Variants in DDHD1 observed in about 807,000 individuals in gnomAD.
DDHD1 encodes phospholipase DDHD1.
In DDHD1, 49 loss-of-function variants were observed where a neutral mutation model predicts 96.4. That is an observed-to-expected ratio of 0.51 (90% confidence interval 0.40 to 0.64). DDHD1 has a LOEUF of 0.64. Among genes scored for constraint, DDHD1 ranks in the 30% least tolerant of loss-of-function variants. DDHD1 has a pLI of 0.00. For missense variants in DDHD1, 1,106 were observed against 1,161.2 expected (o/e 0.95, Z 0.69); for synonymous variants, 442 against 446.5 (o/e 0.99, Z 0.13).
chr14:53,095,831 G>C (rs938459683), intron 2 of DDHD1, among the ~76,000 whole-genome samples: 1 of 152,106 alleles, frequency 6.6e-6, no homozygotes, highest in Non-Finnish European at 1.5e-5. Flanking sequence ...TAAACTATGA[G>C]ATCAAGATAT....
intron 1 of DDHD1, among the ~76,000 whole-genome samples, chr14:53,130,574 A>G (rs1889794947): frequency 6.6e-6 from 1 of 152,192 alleles, no homozygotes; most frequent in Non-Finnish European, 1.5e-5. Flanking sequence ...CTGTGAGACA[A>G]ACCCCAGCCA....
chr14:53,052,041 T>A (rs1368786573), intron 11 of DDHD1, 114 bp from the exon 12 acceptor site: 9 of 726,310 alleles, frequency 1.2e-5, no homozygotes, highest in Admixed American at 2.4e-5. Flanking sequence ...TGACTAAATC[T>A]AGCATACATA....
chr14:53,114,994 C>G (rs1888434483), intron 1 of DDHD1, among the ~76,000 whole-genome samples: 1 of 152,142 alleles, frequency 6.6e-6, no homozygotes, highest in Admixed American at 6.5e-5. Flanking sequence ...GTTACAGGAA[C>G]TGCTAACTAG....
At chr14:53,147,165 G>A (rs1363932372) in intron 1 of DDHD1, among the ~76,000 whole-genome samples, 5 of 152,090 alleles carry the variant, frequency 3.3e-5, no homozygotes, top group African/African-American at 1.2e-4. Flanking sequence ...ATTCTCAGAG[G>A]ATTCCTTGAC....
In DDHD1 at chr14:53,044,076, CA is replaced by C. The variant is rs1161559147; in HGVS notation, c.*2691del. 6.6e-6 allele frequency: 1 copy of C among 152,088 alleles called. No homozygotes were observed. Among genetic ancestry groups the C allele is most frequent in the Non-Finnish European group, 1.5e-5 (1 of 68,002 alleles). 9.4% of individuals were successfully genotyped at this position (152,088 alleles called of 1,614,324 possible). A position where few individuals can be genotyped will look rare whatever the true frequency, so the allele number is the denominator to read the frequency against. ...CTCAGTAACTGACTTAGCTTCTAAT[CA>C]AGCCAGAATGACACACAGTCTGTAT... On this transcript the variant is annotated 3_prime_UTR_variant, in exon 13 of 13. Transcript: ENST00000673822.
intron 1 of DDHD1, among the ~76,000 whole-genome samples, chr14:53,107,276 C>A (rs1213613899): frequency 6.6e-6 from 1 of 152,170 alleles, no homozygotes; most frequent in South Asian, 2.1e-4. Flanking sequence ...ACCACTCTTG[C>A]GCTTTGGAGC....
At position 53,152,536 on chromosome 14, in the gene DDHD1, A is replaced by G. The variant is rs1180551478; in HGVS notation, c.563T>C (p.Leu188Pro). Residue 188 changes from leucine (L) to proline (P), a missense_variant, in exon 1 of 13, where the codon CTC becomes CCC. Leu to Pro is a moderately conservative substitution (Grantham distance 98). Transcript: ENST00000673822. ...TWKPFIGYDS[L>P]RIELAFRTLL... ...GGTCCGGAAGGCGAGCTCGATGCGG[A>G]GCGAGTCGTAGCCGATGAAGGGCTT... 3 of 1,613,320 alleles carry G rather than the reference A, an allele frequency of 1.9e-6. No homozygotes were observed. The highest frequency in any genetic ancestry group is 1.7e-5 in the Admixed American group (1 of 59,996).
chr14:53,140,804 G>A (rs763704651), intron 1 of DDHD1, among the ~76,000 whole-genome samples: 1 of 152,100 alleles, frequency 6.6e-6, no homozygotes. Flanking sequence ...TTGTCAGAAT[G>A]AATTTTAAAA....
chr14:53,142,209 A>G (rs1566605191), intron 1 of DDHD1, among the ~76,000 whole-genome samples: 1 of 152,350 alleles, frequency 6.6e-6, no homozygotes, highest in Non-Finnish European at 1.5e-5. Flanking sequence ...GACAACAAAG[A>G]TCTGTGTATC....
intron 1 of DDHD1, among the ~76,000 whole-genome samples, chr14:53,105,013 T>C (rs1014394604): frequency 6.6e-6 from 1 of 152,062 alleles, no homozygotes; most frequent in African/African-American, 2.4e-5. Context: ...TTTGAAACTG[T>C]AGGTTAAGAT....
At chr14:53,107,556 C>T (rs1371776474) in intron 1 of DDHD1, among the ~76,000 whole-genome samples, 4 of 152,048 alleles carry the variant, frequency 2.6e-5, no homozygotes, top group Admixed American at 6.5e-5. Context: ...TTTGGGAGGC[C>T]GAGGCAGGAG....
Position 53,037,663 on chromosome 14 carries a change from T to C in DDHD1, c.*9105A>G, listed in dbSNP as rs966247429. On this transcript the variant is annotated 3_prime_UTR_variant, in exon 13 of 13. Transcript: ENST00000673822. ...TTGTTGGATGTCTAGTTTGCAAATA[T>C]TTTCTCCAATTCTGTATGTTGTCTG... 1.3e-5 allele frequency: 2 copies of C among 152,174 alleles called. No homozygotes were observed. The highest frequency in any genetic ancestry group is 2.9e-5 in the Non-Finnish European group (2 of 68,032). 9.4% of individuals were successfully genotyped at this position (152,174 alleles called of 1,614,324 possible).
At chr14:53,072,772 G>A in intron 5 of DDHD1, 69 bp from the exon 6 acceptor site, 1 of 977,064 alleles carries the variant, frequency 1.0e-6, no homozygotes, top group Non-Finnish European at 1.5e-6. Flanking sequence ...TAATAGTGAA[G>A]AAAATTACGT....
At chr14:53,152,194 C>A (rs1034660953) in intron 1 of DDHD1, 67 bp downstream of exon 1, 18 of 1,471,130 alleles carry the variant, frequency 1.2e-5, no homozygotes, top group Non-Finnish European at 1.5e-5. Flanking sequence ...AGTCCCAAAC[C>A]CACACCGGTG....
chr14:53,099,352 T>C (rs1183750894), intron 2 of DDHD1, among the ~76,000 whole-genome samples: 1 of 152,178 alleles, frequency 6.6e-6, no homozygotes, highest in Non-Finnish European at 1.5e-5. Flanking sequence ...CTAGTATCTT[T>C]TTCTGTTCTA....
intron 1 of DDHD1, among the ~76,000 whole-genome samples, chr14:53,141,389 C>A (rs1236879537): frequency 6.6e-6 from 1 of 152,140 alleles, no homozygotes; most frequent in Admixed American, 6.5e-5. Flanking sequence ...TATGAACTAA[C>A]AGAATTACCA....
At chr14:53,126,300 A>G (rs1014442943) in intron 1 of DDHD1, among the ~76,000 whole-genome samples, 27 of 152,176 alleles carry the variant, frequency 1.8e-4, no homozygotes, top group Non-Finnish European at 8.8e-5. Context: ...AAAGGGTGAA[A>G]TAGAAGTGAA....
At chr14:53,078,758 G>C (rs1885183095) in intron 4 of DDHD1, among the ~76,000 whole-genome samples, 1 of 152,168 alleles carries the variant, frequency 6.6e-6, no homozygotes, top group African/African-American at 2.4e-5. Flanking sequence ...GAAGTGGTGA[G>C]AGTGGATATC....
At chr14:53,092,077 G>GTA in intron 3 of DDHD1, 145 bp from the exon 4 acceptor site, 1 of 680,676 alleles carries the variant, frequency 1.5e-6, no homozygotes, top group Non-Finnish European at 2.4e-6. Context: ...CTGTAAGAAG[G>GTA]TATATATTGA....
Sources: allele counts gnomAD v4.1 joint callset (sites outside exome capture counted in the v4.1 genomes callset), GRCh38; gene constraint gnomAD v4.1.1; transcripts MANE v1.5; gene names NCBI Gene and HGNC (gene_info 2026-07-23, HGNC 2026-07-21).